Variants in PHYHIPL observed in about 807,000 individuals in gnomAD.
PHYHIPL encodes the protein phytanoyl-CoA 2-hydroxylase interacting protein like.
PHYHIPL carries 9 observed loss-of-function variants against 33.4 expected under a neutral mutation model. The observed-to-expected ratio is 0.27, with a 90% CI of 0.16 to 0.47. The LOEUF is 0.47. Among genes scored for constraint, PHYHIPL ranks in the 20% least tolerant of loss-of-function variants. PHYHIPL has a pLI of 0.99. For missense variants in PHYHIPL, 365 were observed against 460.7 expected, an observed-to-expected ratio of 0.79 and a Z score of 1.90; for synonymous variants, 153 against 154.1, an observed-to-expected ratio of 0.99 and a Z score of 0.05.
At chr10:59,187,514 T>G (rs1838645057) in intron 1 of PHYHIPL, among the ~76,000 whole-genome samples, 1 of 152,226 alleles carries the variant, frequency 6.6e-6, no homozygotes, top group Non-Finnish European at 1.5e-5. Flanking sequence ...CTTTTTCTGT[T>G]GATGGAAATA....
At chr10:59,175,948 G>A (rs995610630), upstream of PHYHIPL, among the ~76,000 whole-genome samples, 5 of 152,218 alleles carry the variant, frequency 3.3e-5, no homozygotes, top group African/African-American at 1.2e-4. Context: ...CATGTCTGCC[G>A]CCTTTTCAGC....
At chr10:59,205,119 T>G (rs2133226889) in intron 1 of PHYHIPL, among the ~76,000 whole-genome samples, 1 of 152,336 alleles carries the variant, frequency 6.6e-6, no homozygotes, top group Middle Eastern at 3.4e-3. Context: ...CCTCCCAAAG[T>G]GCTGGGATTA....
At chr10:59,207,818 G>A (rs1839329087) in intron 1 of PHYHIPL, among the ~76,000 whole-genome samples, 1 of 151,788 alleles carries the variant, frequency 6.6e-6, no homozygotes, top group African/African-American at 2.4e-5. Flanking sequence ...GTGACATCTG[G>A]GAGGCGGAGC....
At chr10:59,186,780 A>T (rs1028738425) in intron 1 of PHYHIPL, among the ~76,000 whole-genome samples, 7 of 152,174 alleles carry the variant, frequency 4.6e-5, no homozygotes, top group African/African-American at 1.7e-4. Flanking sequence ...TTATTGGTGT[A>T]TAAGAATGCT....
chr10:59,178,509 G>A (rs1044000402), intron 1 of PHYHIPL, among the ~76,000 whole-genome samples: 2 of 152,072 alleles, frequency 1.3e-5, no homozygotes, highest in African/African-American at 4.8e-5. Context: ...TGTAACCATT[G>A]CAAGTTGTAA....
At chr10:59,180,734 T>C (rs1424177215) in intron 1 of PHYHIPL, among the ~76,000 whole-genome samples, 3 of 152,158 alleles carry the variant, frequency 2.0e-5, no homozygotes, top group African/African-American at 7.2e-5. Flanking sequence ...TCTTTGAATG[T>C]TGAGTTTATC....
chr10:59,200,792 G>A (rs1331560965), intron 1 of PHYHIPL, among the ~76,000 whole-genome samples: 5 of 152,158 alleles, frequency 3.3e-5, no homozygotes. Flanking sequence ...TTCGGAGGGT[G>A]TATGTGTCGA....
intron 1 of PHYHIPL, among the ~76,000 whole-genome samples, chr10:59,207,063 C>T (rs1839304699): frequency 6.6e-6 from 1 of 152,114 alleles, no homozygotes; most frequent in Admixed American, 6.5e-5. Flanking sequence ...AGGTACATAG[C>T]TAATGTAAGG....
At chr10:59,189,789 A>G (rs968739078) in intron 1 of PHYHIPL, among the ~76,000 whole-genome samples, 4 of 152,006 alleles carry the variant, frequency 2.6e-5, no homozygotes, top group Non-Finnish European at 5.9e-5. Context: ...ATTGAGGGTT[A>G]AAAGTAAAAT....
intron 1 of PHYHIPL, among the ~76,000 whole-genome samples, chr10:59,202,017 A>C (rs1839134289): frequency 6.6e-6 from 1 of 152,150 alleles, no homozygotes; most frequent in South Asian, 2.1e-4. Context: ...TATATGAGCT[A>C]TTGGGAGATA....
chr10:59,175,188 C>A (rs1032858023), upstream of PHYHIPL, among the ~76,000 whole-genome samples: 1 of 152,198 alleles, frequency 6.6e-6, no homozygotes, highest in Non-Finnish European at 1.5e-5. Context: ...CTTGGGGACA[C>A]CCCTACCTTA....
At chr10:59,239,630 C>T (rs1467974231) in intron 4 of PHYHIPL, among the ~76,000 whole-genome samples, 1 of 151,952 alleles carries the variant, frequency 6.6e-6, no homozygotes, top group African/African-American at 2.4e-5. Context: ...ATGTTTATCC[C>T]TGGAAGCAGT....
At chr10:59,197,454 G>C (rs1838950550) in intron 1 of PHYHIPL, among the ~76,000 whole-genome samples, 1 of 152,110 alleles carries the variant, frequency 6.6e-6, no homozygotes, top group African/African-American at 2.4e-5. Context: ...TTTGGCATCT[G>C]TTACCCTGTT....
At chr10:59,229,848 A>G (rs540983423) in intron 1 of PHYHIPL, among the ~76,000 whole-genome samples, 3 of 150,512 alleles carry the variant, frequency 2.0e-5, no homozygotes, top group African/African-American at 7.3e-5. Context: ...CCATTGTTAC[A>G]GGCGCATACT....
At chr10:59,233,574 T>C (rs1840139143) in intron 1 of PHYHIPL, among the ~76,000 whole-genome samples, 1 of 151,810 alleles carries the variant, frequency 6.6e-6, no homozygotes, top group Non-Finnish European at 1.5e-5. Flanking sequence ...TTTTGTCCTA[T>C]GATCCATCAA....
At chr10:59,239,123 T>C (rs1312122443) in intron 4 of PHYHIPL, among the ~76,000 whole-genome samples, 1 of 151,994 alleles carries the variant, frequency 6.6e-6, no homozygotes, top group East Asian at 1.9e-4. Flanking sequence ...AGGTGGGATT[T>C]GCAGACTTCT....
At chr10:59,238,357 A>C (rs1395978047) in intron 3 of PHYHIPL, among the ~76,000 whole-genome samples, 4 of 152,010 alleles carry the variant, frequency 2.6e-5, no homozygotes, top group Non-Finnish European at 5.9e-5. Flanking sequence ...AAAAATGGAA[A>C]AATGCAAGCA....
chr10:59,186,558 G>A (rs1412118185), intron 1 of PHYHIPL, among the ~76,000 whole-genome samples: 1 of 152,150 alleles, frequency 6.6e-6, no homozygotes, highest in African/African-American at 2.4e-5. Context: ...ACCTTGGGCA[G>A]TATGGCCATT....
chr10:59,230,168 C>T (rs749305730), intron 1 of PHYHIPL, among the ~76,000 whole-genome samples: 6 of 148,722 alleles, frequency 4.0e-5, no homozygotes, highest in Non-Finnish European at 8.9e-5. Context: ...ATGATATGTG[C>T]TTATGCATCT....
Sources: allele counts gnomAD v4.1 joint callset (sites outside exome capture counted in the v4.1 genomes callset), GRCh38; gene constraint gnomAD v4.1.1; transcripts MANE v1.5; gene names NCBI Gene and HGNC (gene_info 2026-07-23, HGNC 2026-07-21).